The following PPP1R13B variants were observed in gnomAD, a reference collection of about 807,000 sequenced individuals.
The protein encoded by PPP1R13B is protein phosphatase 1 regulatory subunit 13B, also known as apoptosis-stimulating of p53 protein 1.
Under a neutral mutation model 119.8 loss-of-function variants are expected in PPP1R13B, and 44 were observed. The observed-to-expected ratio is 0.37, with a 90% CI of 0.29 to 0.47. The LOEUF (loss-of-function observed/expected upper bound fraction) is 0.47, where lower values mean the gene tolerates loss of function less well. PPP1R13B is among the 20% of genes least tolerant of loss of function. The pLI is 0.99. For missense variants in PPP1R13B, 1,227 were observed against 1,413.5 expected, an observed-to-expected ratio of 0.87 and a Z score of 2.12; for synonymous variants, 542 against 561.5, an observed-to-expected ratio of 0.97 and a Z score of 0.49.
At chr14:103,824,337 T>C (rs67478160) in intron 1 of PPP1R13B, among the ~76,000 whole-genome samples, 101,222 of 147,990 alleles carry the variant, frequency 0.68, 36,159 homozygotes, top group African/African-American at 0.92. Context: ...AGCCACAGCA[T>C]CCAGCCCTCA....
At chr14:103,751,817 T>C (rs1200988614) in intron 7 of PPP1R13B, among the ~76,000 whole-genome samples, 1 of 152,212 alleles carries the variant, frequency 6.6e-6, no homozygotes, top group Non-Finnish European at 1.5e-5. Flanking sequence ...TAAATGTCTA[T>C]AGTTTAAGCC....
rs2084263601 is a variant in PPP1R13B, at chr14:103,741,819, T to C, written c.1793A>G (p.His598Arg). 6.2e-7 allele frequency: 1 copy of C among 1,614,098 alleles called. No individual in the cohort carries two copies. Residue 598 changes from histidine to arginine, a missense_variant, in exon 11 of 17, where the codon CAC (histidine) becomes CGC (arginine). Coordinates refer to ENST00000202556, the MANE Select transcript of PPP1R13B (RefSeq NM_015316.3). ...TTTAACTGACTTATTTAAGGCGCTG[T>C]GTGCTGCCGGCTGGTAATTCTTAGG... ...TPPKNYQPAA[H>R]SALNKSVKAV... is the part of the protein sequence containing the mutation.
At chr14:103,847,240 A>G in intron 1 of PPP1R13B, 59 bp downstream of exon 1, 1 of 1,116,702 alleles carries the variant, frequency 9.0e-7, no homozygotes, top group Non-Finnish European at 1.1e-6. Flanking sequence ...GGGAGGAAGG[A>G]GGTTTGGCCA....
chr14:103,833,966 GCC>G (rs1866239667), intron 1 of PPP1R13B, among the ~76,000 whole-genome samples: 1 of 152,200 alleles, frequency 6.6e-6, no homozygotes, highest in Non-Finnish European at 1.5e-5. Context: ...CATGTTAAAT[GCC>G]TACCAGAGAC....
intron 1 of PPP1R13B, among the ~76,000 whole-genome samples, chr14:103,810,651 A>G (rs956385441): frequency 6.6e-6 from 1 of 152,020 alleles, no homozygotes; most frequent in Non-Finnish European, 1.5e-5. Flanking sequence ...GGGCGCCTGT[A>G]GTCCCAGCTA....
intron 2 of PPP1R13B, among the ~76,000 whole-genome samples, chr14:103,785,517 CTTT>C (rs57736391): frequency 4.2e-5 from 5 of 120,134 alleles, no homozygotes; most frequent in Non-Finnish European, 5.1e-5. Context: ...CACACTCAGC[CTTT>C]TTTTTTTTTT....
chr14:103,804,190 G>C (rs970765374), intron 1 of PPP1R13B: 4 of 294,574 alleles, frequency 1.4e-5, no homozygotes, highest in Non-Finnish European at 2.0e-5. Flanking sequence ...TGGTGCTCAA[G>C]AAATGCAGGA....
chr14:103,755,663 T>C (rs2084660499), intron 5 of PPP1R13B, among the ~76,000 whole-genome samples: 2 of 152,190 alleles, frequency 1.3e-5, no homozygotes, highest in African/African-American at 2.4e-5. Flanking sequence ...ATATTTAAGA[T>C]GTAGCATTAA....
chr14:103,769,227 AG>A (rs1177751627), intron 4 of PPP1R13B, among the ~76,000 whole-genome samples: 1 of 151,864 alleles, frequency 6.6e-6, no homozygotes, highest in Non-Finnish European at 1.5e-5. Flanking sequence ...CTGGGATCAC[AG>A]GTGCGTGCCA....
intron 2 of PPP1R13B, among the ~76,000 whole-genome samples, chr14:103,787,693 C>T (rs2085505644): frequency 6.7e-6 from 1 of 148,562 alleles, no homozygotes; most frequent in Non-Finnish European, 1.5e-5. Context: ...CACTGTGTCG[C>T]CCAGGCTGGA....
intron 3 of PPP1R13B, among the ~76,000 whole-genome samples, chr14:103,784,552 C>T (rs1329569958): frequency 7.4e-6 from 1 of 135,590 alleles, no homozygotes. Context: ...CACTGTACTC[C>T]AGCCTGGGCG....
chr14:103,760,409 G>A (rs1004662203), intron 4 of PPP1R13B, among the ~76,000 whole-genome samples: 2 of 152,106 alleles, frequency 1.3e-5, no homozygotes, highest in African/African-American at 4.8e-5. Context: ...TGTTCCCTCA[G>A]GCAATTCAAG....
In PPP1R13B at chr14:103,754,137, G is replaced by A; in HGVS notation, c.564C>T (p.Asn188=). ...TCATTGCACGAATTTTCTTCAGCTT[G>A]TTCTCCTGGGCTTCAACTCGTTCTT... ...KLKERVEAQE[N]KLKKIRAMRG... Residue 188 remains asparagine (N), a synonymous_variant, in exon 6 of 17, where the codon AAC becomes AAT. Coordinates refer to ENST00000202556, the MANE Select transcript of PPP1R13B (RefSeq NM_015316.3). 6.2e-7 allele frequency: 1 copy of A among 1,614,010 alleles called. No homozygotes were observed.
intron 1 of PPP1R13B, among the ~76,000 whole-genome samples, chr14:103,828,253 G>A (rs1447809048): frequency 2.0e-5 from 3 of 151,280 alleles, no homozygotes; most frequent in Non-Finnish European, 2.9e-5. Context: ...CCTGTAATCC[G>A]AGCTACTTGA....
intron 4 of PPP1R13B, among the ~76,000 whole-genome samples, chr14:103,771,758 G>GGT (rs1224714223): frequency 6.6e-6 from 1 of 152,130 alleles, no homozygotes; most frequent in East Asian, 1.9e-4. Context: ...TGGGATTACA[G>GGT]GTGTGAGCCA....
At chr14:103,815,431 G>T (rs138071796) in intron 1 of PPP1R13B, among the ~76,000 whole-genome samples, 1 of 152,154 alleles carries the variant, frequency 6.6e-6, no homozygotes, top group African/African-American at 2.4e-5. Flanking sequence ...TATTGTATGT[G>T]AATTATGTAC....
chr14:103,826,232 C>T (rs554698210), intron 1 of PPP1R13B, among the ~76,000 whole-genome samples: 16 of 152,126 alleles, frequency 1.1e-4, no homozygotes, highest in African/African-American at 3.6e-4. Context: ...CACTTTATTG[C>T]GATTATTTGC....
At chr14:103,776,554 C>G (rs1475980824) in intron 4 of PPP1R13B, among the ~76,000 whole-genome samples, 2 of 152,114 alleles carry the variant, frequency 1.3e-5, no homozygotes, top group Admixed American at 1.3e-4. Flanking sequence ...GCTTAGATGC[C>G]TAGTTAGTGT....
At chr14:103,786,824 T>C in intron 2 of PPP1R13B, among the ~76,000 whole-genome samples, 1 of 141,304 alleles carries the variant, frequency 7.1e-6, no homozygotes, top group African/African-American at 2.6e-5. Context: ...TGGTCCCAGC[T>C]ACTCAGGAGG....
Sources: gnomAD v4.1 joint callset for allele counts (sites outside exome capture counted in the v4.1 genomes callset) on GRCh38, gnomAD v4.1.1 for gene constraint, MANE v1.5 for transcripts, NCBI Gene and HGNC (gene_info 2026-07-23, HGNC 2026-07-21) for gene names.